CXADR: variants seen among roughly 807,000 people sequenced by gnomAD.
CXADR encodes the protein CXADR cell adhesion molecule, also known as coxsackievirus and adenovirus receptor.
A neutral mutation model predicts 40.3 loss-of-function variants in CXADR; 20 were observed. The ratio of observed to expected loss-of-function variants is 0.50; its 90% CI spans 0.35 to 0.72. CXADR has a LOEUF of 0.72. CXADR is among the 30% of genes least tolerant of loss of function. The pLI is 0.01. For synonymous variants in CXADR, 150 were observed against 161.3 expected (o/e 0.93, Z 0.53); for missense variants, 332 against 449.1 (o/e 0.74, Z 2.36).
chr21:17,534,393 C>T (rs1293995622), intron 1 of CXADR, among the ~76,000 whole-genome samples: 1 of 152,016 alleles, frequency 6.6e-6, no homozygotes, highest in Non-Finnish European at 1.5e-5. Context: ...CGGCACCCGG[C>T]CTTAGCAGTA....
intron 1 of CXADR, chr21:17,519,141 C>G: frequency 1.5e-6 from 1 of 666,678 alleles, no homozygotes; most frequent in South Asian, 1.8e-5. Flanking sequence ...CAAGGCAAGC[C>G]TCCCTACATT....
the CXADR span, among the ~76,000 whole-genome samples, chr21:17,616,421 C>T: frequency 4.0e-5 from 6 of 148,708 alleles, no homozygotes; most frequent in East Asian, 1.2e-3. Flanking sequence ...CTGCAAGCTC[C>T]GCCTGCCAGG....
intron 1 of CXADR, among the ~76,000 whole-genome samples, chr21:17,515,010 A>T (rs1309204506): frequency 6.6e-6 from 1 of 151,998 alleles, no homozygotes; most frequent in African/African-American, 2.4e-5. Context: ...TGATAGGCAC[A>T]ATTCTAAGAA....
chr21:17,586,743 T>A (rs546937178), intron 7 of CXADR, among the ~76,000 whole-genome samples: 1 of 152,268 alleles, frequency 6.6e-6, no homozygotes, highest in African/African-American at 2.4e-5. Context: ...TTAAAATTTT[T>A]TATTATTATT....
intron 1 of CXADR, among the ~76,000 whole-genome samples, chr21:17,526,001 G>A (rs190214530): frequency 6.1e-4 from 93 of 152,254 alleles, no homozygotes; most frequent in Non-Finnish European, 1.0e-3. Context: ...TACAAAATAT[G>A]CTTTTTTCCC....
chr21:17,584,799 C>G (rs1171868951), intron 7 of CXADR, among the ~76,000 whole-genome samples: 1 of 152,180 alleles, frequency 6.6e-6, no homozygotes, highest in African/African-American at 2.4e-5. Context: ...CCACTGCGCT[C>G]CACCACAGAG....
chr21:17,593,886 CTT>C (rs2061467793), downstream of CXADR: 2 of 634,332 alleles, frequency 3.2e-6, no homozygotes, highest in East Asian at 3.1e-5. Flanking sequence ...ACTTGACTAA[CTT>C]TAATAAAATT....
intron 3 of CXADR, among the ~76,000 whole-genome samples, chr21:17,557,964 C>T (rs978262837): frequency 7.2e-5 from 11 of 152,066 alleles, no homozygotes; most frequent in Non-Finnish European, 4.4e-5. Context: ...TAAAGTTCAG[C>T]AGAAGAGTAT....
the CXADR span, among the ~76,000 whole-genome samples, chr21:17,601,671 T>C: frequency 6.9e-4 from 105 of 152,350 alleles, 1 homozygote; most frequent in East Asian, 0.019. Context: ...GTTGGAAGAC[T>C]CAACAAATTT....
rs1460755173 is a variant in CXADR, at chr21:17,568,147, A to G, written c.*2455A>G. ...CATCTTTTTTTTTTTTTTTTTTTTT[A>G]AGACGGAGTCTCGGTCTGTCACCCA... On this transcript the variant is annotated 3_prime_UTR_variant, in exon 7 of 7. Transcript: ENST00000284878. The G allele has an allele frequency of 2.4e-5, 14 of 576,980 alleles. No individual in the cohort carries two copies. The highest frequency in any genetic ancestry group is 3.2e-4 in the East Asian group (1 of 3,078). 35.7% of individuals were successfully genotyped at this position (576,980 alleles called of 1,614,324 possible). A position where few individuals can be genotyped will look rare whatever the true frequency, so the allele number is the denominator to read the frequency against.
intron 1 of CXADR, among the ~76,000 whole-genome samples, chr21:17,528,555 G>A (rs562257468): frequency 1.3e-5 from 2 of 151,714 alleles, no homozygotes; most frequent in Admixed American, 6.6e-5. Flanking sequence ...ACAGGCATGC[G>A]CCACCACGCC....
chr21:17,524,043 C>CGTGTGTGTGTGCGT (rs1555860824), intron 1 of CXADR, among the ~76,000 whole-genome samples: 68 of 144,812 alleles, frequency 4.7e-4, no homozygotes, highest in African/African-American at 1.5e-3. Flanking sequence ...TGTGTGTGTG[C>CGTGTGTGTGTGCGT]GTGTGTGTGT....
At chr21:17,518,150 T>A (rs2060483999) in intron 1 of CXADR, among the ~76,000 whole-genome samples, 1 of 152,324 alleles carries the variant, frequency 6.6e-6, no homozygotes, top group East Asian at 1.9e-4. Flanking sequence ...AGATTTTTTT[T>A]ATTTCTACTG....
At position 17,566,514 on chromosome 21, in the gene CXADR, G is replaced by A; in HGVS notation, c.*822G>A. ...GTGGTGGTCTTCAAAATGGTGGCCA[G>A]CCAGATCAAGGATGTAGTATCTCAT... is the stretch of plus-strand genomic sequence containing the variant. On this transcript the variant is annotated 3_prime_UTR_variant, in exon 7 of 7. Coordinates refer to ENST00000284878, the MANE Select transcript of CXADR (RefSeq NM_001338.5). 3.0e-6 allele frequency: 3 copies of A among 985,372 alleles called. No individual in the cohort carries two copies. The highest frequency in any genetic ancestry group is 6.1e-5 in the Admixed American group (1 of 16,280). 61.0% of individuals were successfully genotyped at this position (985,372 alleles called of 1,614,324 possible).
chr21:17,623,230 C>T, the CXADR span, among the ~76,000 whole-genome samples: 1 of 152,120 alleles, frequency 6.6e-6, no homozygotes, highest in Non-Finnish European at 1.5e-5. Context: ...GTGTGAGCCA[C>T]TACACCCAGC....
chr21:17,541,379 C>T (rs527974246), intron 1 of CXADR, among the ~76,000 whole-genome samples: 4 of 151,926 alleles, frequency 2.6e-5, no homozygotes, highest in East Asian at 1.9e-4. Flanking sequence ...GGCGAAACCC[C>T]GTCTCTACTA....
chr21:17,600,789 T>C, the CXADR span, among the ~76,000 whole-genome samples: 11 of 152,210 alleles, frequency 7.2e-5, no homozygotes, highest in South Asian at 2.1e-4. Flanking sequence ...TCCATTCCTA[T>C]AGGCCAAATG....
downstream of CXADR, among the ~76,000 whole-genome samples, chr21:17,570,948 G>A (rs932557111): frequency 6.6e-6 from 1 of 152,156 alleles, no homozygotes; most frequent in African/African-American, 2.4e-5. Flanking sequence ...ACTGTCCTGT[G>A]CATTGCGAAA....
At chr21:17,560,944 G>T in intron 5 of CXADR, 120 bp downstream of exon 5, 2 of 1,400,938 alleles carry the variant, frequency 1.4e-6, no homozygotes, top group Non-Finnish European at 1.9e-6. Flanking sequence ...AGAACACTGT[G>T]GTTTGATTAT....
Sources: allele counts gnomAD v4.1 joint callset (sites outside exome capture counted in the v4.1 genomes callset), GRCh38; gene constraint gnomAD v4.1.1; transcripts MANE v1.5; gene names NCBI Gene and HGNC (gene_info 2026-07-23, HGNC 2026-07-21).